Variants in PLXNA2 observed in about 807,000 individuals in gnomAD.
PLXNA2 encodes plexin-A2.
A neutral mutation model predicts 193.5 loss-of-function variants in PLXNA2; 91 were observed. The ratio of observed to expected loss-of-function variants is 0.47; its 90% CI spans 0.40 to 0.56. The LOEUF (loss-of-function observed/expected upper bound fraction) is 0.56. Among genes scored for constraint, PLXNA2 ranks in the 20% least tolerant of loss-of-function variants. The pLI, the probability that PLXNA2 is intolerant of heterozygous loss-of-function variation, is 0.00. For synonymous variants in PLXNA2, 997 were observed against 1,027.3 expected, an observed-to-expected ratio of 0.97 and a Z score of 0.56; for missense variants, 1,995 against 2,503.2, an observed-to-expected ratio of 0.80 and a Z score of 4.33.
intron 20 of PLXNA2, 53 bp from the exon 21 acceptor site, chr1:208,043,256 G>A: frequency 1.3e-6 from 2 of 1,573,914 alleles, no homozygotes; most frequent in Non-Finnish European, 8.7e-7. Context: ...GTCGGGGGAG[G>A]AGAAAGAGGG....
chr1:208,243,333 G>C (rs986615356), intron 1 of PLXNA2, among the ~76,000 whole-genome samples: 1 of 152,140 alleles, frequency 6.6e-6, no homozygotes, highest in Non-Finnish European at 1.5e-5. Flanking sequence ...GCAGGTGCGC[G>C]GTGGAGGCGC....
At chr1:208,132,638 C>T (rs1183935456) in intron 4 of PLXNA2, among the ~76,000 whole-genome samples, 27 of 152,120 alleles carry the variant, frequency 1.8e-4, no homozygotes, top group Admixed American at 1.8e-3. Flanking sequence ...TAAGGTAGGG[C>T]TGAGAGGCAA....
chr1:208,039,051 G>A (rs1437450158), intron 24 of PLXNA2, 67 bp from the exon 25 acceptor site: 4 of 1,467,302 alleles, frequency 2.7e-6, no homozygotes, highest in Non-Finnish European at 3.7e-6. Context: ...AGAGGGTCAG[G>A]ACCTCAGAAT....
intron 13 of PLXNA2, among the ~76,000 whole-genome samples, chr1:208,059,407 T>G (rs1665543656): frequency 6.6e-6 from 1 of 152,158 alleles, no homozygotes; most frequent in African/African-American, 2.4e-5. Context: ...AGCTCTTTCT[T>G]CTCCCTGCTG....
intron 12 of PLXNA2, among the ~76,000 whole-genome samples, chr1:208,065,621 G>T (rs111795799): frequency 1.3e-5 from 2 of 152,162 alleles, no homozygotes; most frequent in African/African-American, 4.8e-5. Flanking sequence ...CTTCCTATCC[G>T]TCTGGAAGGG....
chr1:208,090,668 T>C (rs369802319), intron 9 of PLXNA2, among the ~76,000 whole-genome samples: 16 of 152,342 alleles, frequency 1.1e-4, no homozygotes, highest in African/African-American at 3.8e-4. Flanking sequence ...TCTCTTGGCC[T>C]GAGGTGGGTA....
At chr1:208,194,269 G>A (rs1609841) in intron 3 of PLXNA2, among the ~76,000 whole-genome samples, 28,548 of 151,600 alleles carry the variant, frequency 0.19, 2,956 homozygotes, top group Admixed American at 0.31. Flanking sequence ...TCTGCCTGCT[G>A]TTAATGAGCT....
At chr1:208,098,792 C>T (rs1292274907) in intron 6 of PLXNA2, 54 bp downstream of exon 6, 36 of 1,583,132 alleles carry the variant, frequency 2.3e-5, no homozygotes, top group Non-Finnish European at 3.1e-5. Context: ...AGCACACCCA[C>T]ACAGGTGCAT....
chr1:208,151,943 G>A lies in PLXNA2; in HGVS notation c.1372-9480C>T, dbSNP rs1558217797. 2.0e-5 allele frequency among the ~76,000 whole-genome samples: 3 copies of A among 152,350 alleles called. No individual in the cohort carries two copies. The South Asian group carries it at 6.2e-4, about 32-fold the overall frequency. On this transcript the variant is annotated intron_variant, in intron 3 of 31. Transcript: ENST00000367033. ...AAGCACTGGGTGCCTCTGGAGATAA[G>A]TCCTGGGGAACAAAATAGATCATAT...
chr1:208,109,197 G>A (rs1667382980), intron 4 of PLXNA2, among the ~76,000 whole-genome samples: 1 of 152,166 alleles, frequency 6.6e-6, no homozygotes, highest in African/African-American at 2.4e-5. Context: ...CTCATCAACA[G>A]CCTCCTGGTC....
intron 28 of PLXNA2, chr1:208,031,997 A>G (rs1664519008): frequency 1.0e-6 from 1 of 985,302 alleles, no homozygotes; most frequent in South Asian, 4.7e-5. Flanking sequence ...CACATTCCAC[A>G]TTCCACACAG....
chr1:208,181,707 C>T (rs1047179874), intron 3 of PLXNA2, among the ~76,000 whole-genome samples: 6 of 152,282 alleles, frequency 3.9e-5, no homozygotes, highest in East Asian at 1.9e-4. Flanking sequence ...CACCTCTTTC[C>T]GCCATCTGTA....
At chr1:208,096,960 C>A (rs900949819) in intron 6 of PLXNA2, 77 bp from the exon 7 acceptor site, 5 of 1,403,768 alleles carry the variant, frequency 3.6e-6, no homozygotes, top group Admixed American at 2.1e-5. Flanking sequence ...CTGCTGTGAC[C>A]CACTTTGCTC....
At chr1:208,173,186 T>C (rs893203622) in intron 3 of PLXNA2, among the ~76,000 whole-genome samples, 1 of 152,212 alleles carries the variant, frequency 6.6e-6, no homozygotes, top group African/African-American at 2.4e-5. Flanking sequence ...AGAGTTAATA[T>C]ATACAAATAA....
At chr1:208,029,232 A>G (rs1372595925) in intron 29 of PLXNA2, 190 bp from the exon 30 acceptor site, 6 of 1,415,510 alleles carry the variant, frequency 4.2e-6, no homozygotes, top group African/African-American at 1.4e-5. Context: ...ATGGAAGGAG[A>G]GGCACTTTGT....
chr1:208,043,343 C>T (rs1664941759), intron 20 of PLXNA2, 140 bp from the exon 21 acceptor site: 3 of 697,672 alleles, frequency 4.3e-6, no homozygotes, highest in South Asian at 4.2e-5. Flanking sequence ...CTCCAGAGGG[C>T]GGGGCTACTC....
At chr1:208,206,464 C>A (rs1024643732) in intron 3 of PLXNA2, among the ~76,000 whole-genome samples, 1 of 152,236 alleles carries the variant, frequency 6.6e-6, no homozygotes, top group Admixed American at 6.5e-5. Context: ...TCTTACCTGT[C>A]CAAGTCTTCT....
Position 208,224,118 on chromosome 1 carries a change from C to T in PLXNA2, c.-80-6116G>A, listed in dbSNP as rs576870535. ...ACCGACCTTAGAGGTAGTCCAGGCA[C>T]GTTGGGTAGCACAAGGTGAGCAAGA... On this transcript the variant is annotated intron_variant, in intron 1 of 31. Coordinates refer to ENST00000367033, the MANE Select transcript of PLXNA2 (RefSeq NM_025179.4). 1.1e-3 allele frequency among the ~76,000 whole-genome samples: 161 copies of T among 152,282 alleles called. 2 individuals carry two copies. Among genetic ancestry groups the T allele is most frequent in the African/African-American group, 3.7e-3 (152 of 41,566 alleles).
chr1:208,177,742 G>C (rs1224450306), intron 3 of PLXNA2, among the ~76,000 whole-genome samples: 2 of 152,272 alleles, frequency 1.3e-5, no homozygotes, highest in African/African-American at 4.8e-5. Context: ...GTGGTCCCCA[G>C]AGCAGCAGCA....
Sources: allele counts gnomAD v4.1 joint callset (sites outside exome capture counted in the v4.1 genomes callset), GRCh38; gene constraint gnomAD v4.1.1; transcripts MANE v1.5; gene names NCBI Gene and HGNC (gene_info 2026-07-23, HGNC 2026-07-21).